TGFB2: variants seen among roughly 807,000 people sequenced by gnomAD.
The protein encoded by TGFB2 is transforming growth factor beta-2 proprotein.
TGFB2 carries 13 observed loss-of-function variants against 42.7 expected under a neutral mutation model. The ratio of observed to expected loss-of-function variants is 0.30; its 90% CI spans 0.20 to 0.48. The LOEUF (loss-of-function observed/expected upper bound fraction) is 0.48, where lower values mean the gene tolerates loss of function less well. Ranked by LOEUF, TGFB2 falls within the 20% of genes least tolerant of loss-of-function variation. The pLI is 0.99. For missense variants in TGFB2, 390 were observed against 517.5 expected (o/e 0.75, Z 2.39); for synonymous variants, 193 against 193.6 (o/e 1.00, Z 0.03).
chr1:218,433,995 T>C (rs1659888318), intron 2 of TGFB2, 87 bp from the exon 3 acceptor site: 1 of 1,538,094 alleles, frequency 6.5e-7, no homozygotes, highest in Middle Eastern at 1.8e-4. Context: ...ATTTAGGTAA[T>C]GAATTAGAAC....
At chr1:218,375,633 G>A (rs1465449283) in intron 1 of TGFB2, among the ~76,000 whole-genome samples, 4 of 152,050 alleles carry the variant, frequency 2.6e-5, no homozygotes, top group Non-Finnish European at 4.4e-5. Context: ...AGAAATTCTA[G>A]CCCATATTTT....
At chr1:218,369,271 A>T (rs1657494473) in intron 1 of TGFB2, among the ~76,000 whole-genome samples, 1 of 142,324 alleles carries the variant, frequency 7.0e-6, no homozygotes, top group African/African-American at 2.8e-5. Context: ...AAAAAAAAAA[A>T]AAAAAAAAAA....
intron 1 of TGFB2, among the ~76,000 whole-genome samples, chr1:218,385,126 T>C (rs1399644895): frequency 6.6e-6 from 1 of 152,188 alleles, no homozygotes; most frequent in Non-Finnish European, 1.5e-5. Context: ...CTCTTACTGG[T>C]ACTTTCTGGT....
intron 2 of TGFB2, among the ~76,000 whole-genome samples, chr1:218,409,421 C>A (rs1659022506): frequency 6.6e-6 from 1 of 152,140 alleles, no homozygotes; most frequent in Non-Finnish European, 1.5e-5. Context: ...TTGCTTCTGG[C>A]CTCTTTATTT....
Position 218,443,080 on chromosome 1 carries a change from G to T in TGFB2, c.*1718G>T, listed in dbSNP as rs1367646730. On this transcript the variant is annotated 3_prime_UTR_variant, in exon 7 of 7. Transcript: ENST00000366930. ...AAGTCATTTTGTGTATTTCACTGAAGTTATAAGGTTTTTATAAATGTTCTT... is the reference window on the plus strand; with the variant it reads ...AAGTCATTTTGTGTATTTCACTGAATTTATAAGGTTTTTATAAATGTTCTT... 6.6e-6 allele frequency: 1 copy of T among 152,160 alleles called. No individual in the cohort carries two copies. The highest frequency in any genetic ancestry group is 1.5e-5 in the Non-Finnish European group (1 of 68,020). 9.4% of individuals were successfully genotyped at this position (152,160 alleles called of 1,614,324 possible).
intron 1 of TGFB2, among the ~76,000 whole-genome samples, chr1:218,348,825 T>G (rs1385622709): frequency 6.6e-6 from 1 of 152,186 alleles, no homozygotes; most frequent in Non-Finnish European, 1.5e-5. Context: ...TAACTCATCT[T>G]TCAATGTTTA....
chr1:218,430,058 A>G (rs4481918), intron 2 of TGFB2, among the ~76,000 whole-genome samples: 111 of 152,262 alleles, frequency 7.3e-4, no homozygotes, highest in Non-Finnish European at 1.4e-3. Flanking sequence ...CTGGCCAGTT[A>G]AGGGGAGGCC....
chr1:218,373,445 T>A (rs1657637741), intron 1 of TGFB2, among the ~76,000 whole-genome samples: 1 of 151,772 alleles, frequency 6.6e-6, no homozygotes, highest in African/African-American at 2.4e-5. Flanking sequence ...ATATGACTAA[T>A]ATGATTAGTA....
chr1:218,416,304 A>C, intron 2 of TGFB2, among the ~76,000 whole-genome samples: 1 of 148,978 alleles, frequency 6.7e-6, no homozygotes, highest in East Asian at 2.0e-4. Flanking sequence ...TTTTTTTTTC[A>C]TGTTGTAAAT....
At chr1:218,433,330 G>T (rs1180897960) in intron 2 of TGFB2, among the ~76,000 whole-genome samples, 2 of 152,124 alleles carry the variant, frequency 1.3e-5, no homozygotes, top group Non-Finnish European at 2.9e-5. Context: ...GCCTCCCAAA[G>T]TGCTGGGATT....
intron 6 of TGFB2, 100 bp from the exon 7 acceptor site, chr1:218,441,104 A>G: frequency 8.8e-7 from 1 of 1,136,046 alleles, no homozygotes; most frequent in Non-Finnish European, 1.3e-6. Flanking sequence ...TTGCCTACTC[A>G]GTGCTGTGAC....
rs778834929 is a variant in TGFB2 at position 218,363,301 on chromosome 1, A to G, written c.346+16254A>G. 2.5e-6 allele frequency: 4 copies of G among 1,578,606 alleles called. No homozygotes were observed. In the Admixed American group the frequency reaches 6.7e-5, roughly 26 times the overall value. On this transcript the variant is annotated intron_variant, in intron 1 of 6. Coordinates refer to ENST00000366930, the MANE Select transcript of TGFB2 (RefSeq NM_003238.6). ...CTGTGCCAGGCATCTCTTCAGTAAA[A>G]TAGCTAATGACTGTGCTTTTTAAAA...
In TGFB2 at chr1:218,346,812, C is replaced by G; in HGVS notation, c.111C>G (p.Ile37Met). ...LDMDQFMRKR[I>M]EAIRGQILSK... ...TGGACCAGTTCATGCGCAAGAGGAT[C>G]GAGGCGATCCGCGGGCAGATCCTGA... The change falls in exon 1 of 7, where the codon ATC (isoleucine) becomes ATG (methionine). Residue 37 changes from isoleucine (I) to methionine (M), a missense_variant. Ile to Met is a conservative substitution (Grantham distance 10). Transcript: ENST00000366930. This position sits in a 1 kb window ranked among gnomAD's most constrained non-coding sequence, Gnocchi z 4.9. 1 of 1,614,150 alleles carries G rather than the reference C, an allele frequency of 6.2e-7. No homozygotes were observed. The highest frequency in any genetic ancestry group is 8.5e-7 in the Non-Finnish European group (1 of 1,180,020).
At chr1:218,403,771 C>A (rs1658811235) in intron 1 of TGFB2, among the ~76,000 whole-genome samples, 2 of 152,008 alleles carry the variant, frequency 1.3e-5, no homozygotes, top group African/African-American at 4.8e-5. Context: ...TATAAAGAAA[C>A]ATGAACAACC....
chr1:218,421,504 A>T (rs1659454618), intron 2 of TGFB2, among the ~76,000 whole-genome samples: 1 of 152,098 alleles, frequency 6.6e-6, no homozygotes, highest in African/African-American at 2.4e-5. Flanking sequence ...GTAAGCTGCC[A>T]TGAAAAATAC....
At chr1:218,424,272 C>T (rs1010708586) in intron 2 of TGFB2, among the ~76,000 whole-genome samples, 2 of 152,188 alleles carry the variant, frequency 1.3e-5, no homozygotes, top group Non-Finnish European at 1.5e-5. Context: ...TGCTAGTGCT[C>T]TGTGGCTCCG....
chr1:218,417,683 G>T (rs1659326258), intron 2 of TGFB2, among the ~76,000 whole-genome samples: 1 of 152,192 alleles, frequency 6.6e-6, no homozygotes, highest in Admixed American at 6.5e-5. Flanking sequence ...TAGGCCTAAA[G>T]GCCTAAGAGG....
chr1:218,435,392 G>A (rs1659938690), intron 4 of TGFB2, among the ~76,000 whole-genome samples: 1 of 152,170 alleles, frequency 6.6e-6, no homozygotes, highest in South Asian at 2.1e-4. Context: ...GATGGAATCA[G>A]GAAAGTGTTG....
chr1:218,414,414 T>A (rs1441320527), intron 2 of TGFB2, among the ~76,000 whole-genome samples: 1 of 152,166 alleles, frequency 6.6e-6, no homozygotes, highest in Non-Finnish European at 1.5e-5. Flanking sequence ...GTACATAATT[T>A]TACAGCATAC....
Sources: allele counts gnomAD v4.1 joint callset (sites outside exome capture counted in the v4.1 genomes callset), GRCh38; gene constraint gnomAD v4.1.1; non-coding constraint Gnocchi (gnomAD v3.1); transcripts MANE v1.5; gene names NCBI Gene and HGNC (gene_info 2026-07-23, HGNC 2026-07-21).